The following UCP2 variants were observed in gnomAD, a reference collection of about 807,000 sequenced individuals.
UCP2 encodes uncoupling protein 2.
In UCP2, 27 loss-of-function variants were observed where a neutral mutation model predicts 31.3. The observed-to-expected ratio is 0.86, with a 90% CI of 0.64 to 1.19. UCP2 has a LOEUF of 1.19. UCP2 is among the 50% of genes most tolerant of loss of function. The probability of loss-of-function intolerance (pLI) is 0.00; values close to 1 mark genes in which losing one functional copy is unlikely to be tolerated. For synonymous variants in UCP2, 142 were observed against 157.4 expected (o/e 0.90, Z 0.73); for missense variants, 377 against 413.5 (o/e 0.91, Z 0.76).
chr11:73,974,905 G>GACGGTGGTAGGTA lies in UCP2; in HGVS notation c.*101_*102insTACCTACCACCGT. On this transcript the variant is annotated 3_prime_UTR_variant, in exon 8 of 8. Coordinates refer to ENST00000663595, the MANE Select transcript of UCP2 (RefSeq NM_003355.3). ...CGGAAGGAAGAGGTGGGGAAAGAGG[G>GACGGTGGTAGGTA]AAGGAGAGAAGGGAAGGAGGGAAGA... 1 of 969,924 alleles carries GACGGTGGTAGGTA rather than the reference G, an allele frequency of 1.0e-6. No homozygotes were observed. Among genetic ancestry groups the GACGGTGGTAGGTA allele is most frequent in the Non-Finnish European group, 1.6e-6 (1 of 618,564 alleles). The allele number at this position is 969,924 out of a possible 1,614,324, so 60.1% of individuals were successfully genotyped here. A position where few individuals can be genotyped will look rare whatever the true frequency, so the allele number is the denominator to read the frequency against.
At chr11:73,977,582 C>T (rs1014826844) in intron 4 of UCP2, among the ~76,000 whole-genome samples, 3 of 152,148 alleles carry the variant, frequency 2.0e-5, no homozygotes, top group South Asian at 4.1e-4. Flanking sequence ...ACTGTGTGCC[C>T]CTGGCCAAGT....
In UCP2 at chr11:73,976,824, T is replaced by C. The variant is rs956299938; in HGVS notation, c.531A>G (p.Lys177=). 6.2e-7 allele frequency: 1 copy of C among 1,614,238 alleles called. No homozygotes were observed. The highest frequency in any genetic ancestry group is 1.7e-5 in the Admixed American group (1 of 60,032). ...AREEGFRGLW[K]GTSPNVARNA... is the part of the protein sequence containing the mutation. ...GAAGGGAAAACAACTGGTACACACC[T>C]TTCCAGAGGCCCCGGAACCCTTCCT... Residue 177 remains lysine, a splice_region_variant and synonymous_variant, in exon 5 of 8, where the codon AAA becomes AAG. Transcript: ENST00000663595.
Position 73,976,746 on chromosome 11 carries a change from TAGG to T in UCP2, c.533-7_533-5del. On this transcript the variant is annotated splice_region_variant and splice_polypyrimidine_tract_variant and intron_variant, in intron 5 of 7. Coordinates refer to ENST00000663595, the MANE Select transcript of UCP2 (RefSeq NM_003355.3). The stretch of plus-strand genomic sequence containing the variant: ...CGAGCAACATTGGGAGAGGTCCCTG[TAGG>T]AGGAGGAAGATCCTGGGTGAGACCA... 1 of 1,614,026 alleles carries T rather than the reference TAGG, an allele frequency of 6.2e-7. No homozygotes were observed. The highest frequency in any genetic ancestry group is 1.1e-5 in the South Asian group (1 of 91,078).
At position 73,976,918 on chromosome 11, in the gene UCP2, G is replaced by A. The variant is rs940588629; in HGVS notation, c.437C>T (p.Ala146Val). The change falls in exon 5 of 8, where the codon GCT becomes GTT. Residue 146 changes from alanine to valine, a missense_variant. By Grantham distance (64) the Ala-to-Val change is moderately conservative. Transcript: ENST00000663595. ...PTDVVKVRFQ[A>V]QARAGGGRRY... is the part of the protein sequence containing the mutation. ...CCGACCACCTCCAGCCCGGGCCTGAGCTTGGAATCGGACCTTTACCACATC... is the reference window on the plus strand; with the variant it reads ...CCGACCACCTCCAGCCCGGGCCTGAACTTGGAATCGGACCTTTACCACATC... 2 of 1,613,950 alleles carry A rather than the reference G, an allele frequency of 1.2e-6. No individual in the cohort carries two copies. The highest frequency in any genetic ancestry group is 1.7e-6 in the Non-Finnish European group (2 of 1,179,820).
In UCP2 at chr11:73,975,105, G is replaced by A. The variant is rs764567556; in HGVS notation, c.832C>T (p.Leu278Phe). 3.7e-6 allele frequency: 6 copies of A among 1,613,050 alleles called. No individual in the cohort carries two copies. Among genetic ancestry groups the A allele is most frequent in the African/African-American group, 1.3e-5 (1 of 74,834 alleles). ...AFYKGFMPSF[L>F]RLGSWNVVMF... ...ACCACGTTCCAGGAACCCAAGCGGAGAAAGGAGGGCATGAACCTAGAGGAG... is the reference window on the plus strand; with the variant it reads ...ACCACGTTCCAGGAACCCAAGCGGAAAAAGGAGGGCATGAACCTAGAGGAG... The change falls in exon 8 of 8, where the codon CTC becomes TTC. Residue 278 changes from leucine (L) to phenylalanine (F), a missense_variant. Transcript: ENST00000663595.
chr11:73,977,869 C>T lies in UCP2; in HGVS notation c.337+17G>A. ...GAAAAAAGGGCCAAGGGGCCTACACCCTTGCTCCATACTCACGCTCAGAGC... is the reference window on the plus strand; with the variant it reads ...GAAAAAAGGGCCAAGGGGCCTACACTCTTGCTCCATACTCACGCTCAGAGC... On this transcript the variant is annotated intron_variant, in intron 4 of 7. Coordinates refer to ENST00000663595, the MANE Select transcript of UCP2 (RefSeq NM_003355.3). 6.2e-7 allele frequency: 1 copy of T among 1,614,154 alleles called. No homozygotes were observed.
chr11:73,975,959 A>G (rs1245723316), intron 6 of UCP2, among the ~76,000 whole-genome samples: 1 of 152,100 alleles, frequency 6.6e-6, no homozygotes, highest in Non-Finnish European at 1.5e-5. Context: ...CCAGCTACTC[A>G]GGAGGCTGAG....
Position 73,977,028 on chromosome 11 carries a change from G to T in UCP2, c.338-11C>A, listed in dbSNP as rs1951361307. Reference sequence around the variant, plus strand: ...TCCCAATGCTGGCATCTGTGGGCGAGCCATGGGGTCAGTGGCCAGCGGGCT... The same window carrying T: ...TCCCAATGCTGGCATCTGTGGGCGATCCATGGGGTCAGTGGCCAGCGGGCT... On this transcript the variant is annotated splice_polypyrimidine_tract_variant and intron_variant, in intron 4 of 7. Coordinates refer to ENST00000663595, the MANE Select transcript of UCP2 (RefSeq NM_003355.3). 2 of 1,594,928 alleles carry T rather than the reference G, an allele frequency of 1.3e-6. No homozygotes were observed. The highest frequency in any genetic ancestry group is 1.7e-6 in the Non-Finnish European group (2 of 1,168,006).
At chr11:73,978,835 C>G (rs1951405039) in intron 2 of UCP2, 10 of 287,606 alleles carry the variant, frequency 3.5e-5, no homozygotes, top group South Asian at 3.0e-4. Context: ...ATCTGGAGAG[C>G]TGACAGAAGT....
At chr11:73,979,297 A>G (rs1460785404) in intron 2 of UCP2, among the ~76,000 whole-genome samples, 2 of 152,272 alleles carry the variant, frequency 1.3e-5, no homozygotes, top group East Asian at 3.8e-4. Context: ...CTGTAAACCC[A>G]GCACTTTGGG....
chr11:73,978,806 A>T, intron 2 of UCP2: 2 of 303,486 alleles, frequency 6.6e-6, no homozygotes, highest in Non-Finnish European at 1.3e-5. Context: ...TGATGCCCAC[A>T]TTCCTGCTTC....
rs909549802 is a variant in UCP2, at chr11:73,974,787, G to A, written c.*220C>T. The A allele has an allele frequency of 2.5e-5, 9 of 354,164 alleles. No homozygotes were observed. Among genetic ancestry groups the A allele is most frequent in the South Asian group, 5.6e-5 (2 of 35,748 alleles). The allele number at this position is 354,164 out of a possible 1,614,324, so 21.9% of individuals were successfully genotyped here. A position where few individuals can be genotyped will look rare whatever the true frequency, so the allele number is the denominator to read the frequency against. On this transcript the variant is annotated 3_prime_UTR_variant, in exon 8 of 8. Coordinates refer to ENST00000663595, the MANE Select transcript of UCP2 (RefSeq NM_003355.3). Reference sequence around the variant, plus strand: ...GGACGCTTGGGATCCTGGCTGGTACGAGGCCTCCCACACTGTCAAATGTCA... The same window carrying A: ...GGACGCTTGGGATCCTGGCTGGTACAAGGCCTCCCACACTGTCAAATGTCA...
In UCP2 at chr11:73,976,358, AAAAAC is replaced by A. The variant is rs1004185983; in HGVS notation, c.634+278_634+282del. ...GTGAGACTCTATCTCAAAAAAAACA[AAAAAC>A]AAACAAACAAAAAAACAAAAACAGA... On this transcript the variant is annotated intron_variant, in intron 6 of 7. Coordinates refer to ENST00000663595, the MANE Select transcript of UCP2 (RefSeq NM_003355.3). Among the ~76,000 whole-genome samples the A allele has an allele frequency of 4.4e-4, 67 of 152,278 alleles. 1 individual carries two copies. The highest frequency in any genetic ancestry group is 1.6e-3 in the African/African-American group (65 of 41,558).
Position 73,976,673 on chromosome 11 carries a change from T to G in UCP2, c.602A>C (p.Lys201Thr), listed in dbSNP as rs1565183496. The stretch of plus-strand genomic sequence containing the variant: ...GAGGTTGGCTTTCAGGAGGGCATCC[T>G]TGATGAGGTCATAGGTCACCAGCTC... ...CAELVTYDLIKDALLKANLMT... is the reference protein window; with the variant it reads ...CAELVTYDLITDALLKANLMT... The change falls in exon 6 of 8, where the codon AAG becomes ACG. Residue 201 changes from lysine (K) to threonine (T), a missense_variant. Lys to Thr is a moderately conservative substitution (Grantham distance 78, BLOSUM62 -1). Coordinates refer to ENST00000663595, the MANE Select transcript of UCP2 (RefSeq NM_003355.3). The G allele has an allele frequency of 6.2e-7, 1 of 1,614,156 alleles. No individual in the cohort carries two copies. Among genetic ancestry groups the G allele is most frequent in the East Asian group, 2.2e-5 (1 of 44,884 alleles).
At chr11:73,979,311 CT>C (rs2135369972) in intron 2 of UCP2, among the ~76,000 whole-genome samples, 1 of 152,358 alleles carries the variant, frequency 6.6e-6, no homozygotes, top group South Asian at 2.1e-4. Context: ...CTTTGGGAGG[CT>C]GAGGCGGGCG....
chr11:73,978,503 T>C, intron 2 of UCP2, 26 bp from the exon 3 acceptor site: 1 of 1,391,170 alleles, frequency 7.2e-7, no homozygotes, highest in South Asian at 1.2e-5. Flanking sequence ...AAAAGCCCCA[T>C]TAGCCACAAT....
intron 2 of UCP2, chr11:73,981,243 G>A (rs1951450426): frequency 6.6e-6 from 1 of 152,174 alleles, no homozygotes; most frequent in African/African-American, 2.4e-5. Context: ...TTACACGTGG[G>A]CCTCAGTTTT....
chr11:73,978,411 G>C lies in UCP2; in HGVS notation c.-33C>G. On this transcript the variant is annotated 5_prime_UTR_variant, in exon 3 of 8. Transcript: ENST00000663595. ...ATTTCCTGCTACGTCCCAGGAGATGGAGAAAAACTGGAGACAGGGGCACCT... is the reference window on the plus strand; with the variant it reads ...ATTTCCTGCTACGTCCCAGGAGATGCAGAAAAACTGGAGACAGGGGCACCT... 6.2e-7 allele frequency: 1 copy of C among 1,613,762 alleles called. No homozygotes were observed.
At position 73,974,749 on chromosome 11, in the gene UCP2, T is replaced by G; in HGVS notation, c.*258A>C. 1 of 372,990 alleles carries G rather than the reference T, an allele frequency of 2.7e-6. No homozygotes were observed. The highest frequency in any genetic ancestry group is 2.8e-5 in the South Asian group (1 of 35,452). The allele number at this position is 372,990 out of a possible 1,614,324, so 23.1% of individuals were successfully genotyped here. A position where few individuals can be genotyped will look rare whatever the true frequency, so the allele number is the denominator to read the frequency against. ...GGCAGGACGAAGATTCTGGCTGAAC[T>G]TTCCAAGGGACGGGACGCTTGGGAT... On this transcript the variant is annotated 3_prime_UTR_variant, in exon 8 of 8. Transcript: ENST00000663595.
Sources: allele counts gnomAD v4.1 joint callset (sites outside exome capture counted in the v4.1 genomes callset), GRCh38; gene constraint gnomAD v4.1.1; transcripts MANE v1.5; gene names NCBI Gene and HGNC (gene_info 2026-07-23, HGNC 2026-07-21).